The following GPR39 variants were observed in gnomAD, a reference collection of about 807,000 sequenced individuals.
GPR39 encodes zinc sensing receptor.
Under a neutral mutation model 18.4 loss-of-function variants are expected in GPR39, and 23 were observed. The ratio of observed to expected loss-of-function variants is 1.25; its 90% CI spans 0.90 to 1.77. The LOEUF is 1.77. GPR39 is among the 40% of genes most tolerant of loss of function. The pLI is 0.00. For missense variants in GPR39, 647 were observed against 602.4 expected (o/e 1.07, Z -0.78); for synonymous variants, 280 against 257.9 (o/e 1.09, Z -0.82).
chr2:132,502,101 A>ACT (rs976351266), intron 1 of GPR39, among the ~76,000 whole-genome samples: 22 of 152,266 alleles, frequency 1.4e-4, no homozygotes, highest in African/African-American at 5.3e-4. Flanking sequence ...GATGTGAGGT[A>ACT]CTATTCTATT....
At chr2:132,611,468 C>T (rs539933956) in intron 1 of GPR39, among the ~76,000 whole-genome samples, 13 of 152,238 alleles carry the variant, frequency 8.5e-5, no homozygotes, top group South Asian at 6.2e-4. Context: ...CAAATTTAGG[C>T]GAGAAATCAG....
chr2:132,527,838 C>A (rs1260302828), intron 1 of GPR39, among the ~76,000 whole-genome samples: 1 of 151,522 alleles, frequency 6.6e-6, no homozygotes, highest in Admixed American at 6.6e-5. Flanking sequence ...GGATATTAAA[C>A]CTTTGTCAGA....
chr2:132,599,825 C>T (rs183663992), intron 1 of GPR39, among the ~76,000 whole-genome samples: 23 of 152,310 alleles, frequency 1.5e-4, no homozygotes, highest in Admixed American at 1.4e-3. Flanking sequence ...GATCCAGCTC[C>T]TCCAACTCTC....
chr2:132,437,186 G>A (rs141232361), intron 1 of GPR39, among the ~76,000 whole-genome samples: 10 of 152,214 alleles, frequency 6.6e-5, no homozygotes, highest in Non-Finnish European at 8.8e-5. Flanking sequence ...GCACACACCC[G>A]CACAGGCAGA....
At chr2:132,448,325 G>T (rs1680574434) in intron 1 of GPR39, among the ~76,000 whole-genome samples, 1 of 152,198 alleles carries the variant, frequency 6.6e-6, no homozygotes, top group Non-Finnish European at 1.5e-5. Flanking sequence ...GTTCTCACTT[G>T]CTAGCCAAGC....
chr2:132,579,460 T>C (rs11903988), intron 1 of GPR39, among the ~76,000 whole-genome samples: 8 of 152,300 alleles, frequency 5.3e-5, no homozygotes, highest in African/African-American at 1.9e-4. Context: ...TTATAAATTT[T>C]GATTAAATCC....
intron 1 of GPR39, among the ~76,000 whole-genome samples, chr2:132,583,513 T>A (rs1680666391): frequency 6.6e-6 from 1 of 151,982 alleles, no homozygotes; most frequent in Non-Finnish European, 1.5e-5. Context: ...AAGTGCTGAG[T>A]GCTTCTTACG....
chr2:132,464,637 G>A (rs963429385), intron 1 of GPR39, among the ~76,000 whole-genome samples: 1 of 152,162 alleles, frequency 6.6e-6, no homozygotes. Context: ...GGCTGTATGT[G>A]AGCTCTCAGG....
intron 1 of GPR39, among the ~76,000 whole-genome samples, chr2:132,635,323 G>C (rs965353117): frequency 6.6e-6 from 1 of 152,186 alleles, no homozygotes; most frequent in African/African-American, 2.4e-5. Context: ...AGTGAAGATG[G>C]AGCATGTTGC....
chr2:132,584,910 G>T (rs1239470162), intron 1 of GPR39, among the ~76,000 whole-genome samples: 1 of 152,192 alleles, frequency 6.6e-6, no homozygotes, highest in Non-Finnish European at 1.5e-5. Context: ...CATTTCTGGA[G>T]ACACTGATTT....
At chr2:132,447,977 A>C (rs537684043) in intron 1 of GPR39, among the ~76,000 whole-genome samples, 1 of 152,314 alleles carries the variant, frequency 6.6e-6, no homozygotes, top group African/African-American at 2.4e-5. Context: ...GAATTTGTTG[A>C]GAAGTGGAAG....
intron 1 of GPR39, among the ~76,000 whole-genome samples, chr2:132,606,892 C>T (rs1373602905): frequency 2.0e-5 from 3 of 152,164 alleles, no homozygotes; most frequent in Non-Finnish European, 2.9e-5. Flanking sequence ...CTGGAGTCCG[C>T]GTTGCCCCTA....
At chr2:132,494,307 C>T (rs914601238) in intron 1 of GPR39, among the ~76,000 whole-genome samples, 6 of 152,182 alleles carry the variant, frequency 3.9e-5, no homozygotes, top group African/African-American at 1.4e-4. Context: ...CCTCTCCTAG[C>T]CTCTCCTTTC....
chr2:132,529,573 C>T (rs922001939), intron 1 of GPR39, among the ~76,000 whole-genome samples: 2 of 152,236 alleles, frequency 1.3e-5, no homozygotes, highest in Non-Finnish European at 2.9e-5. Context: ...GGTCCCTGAC[C>T]ACTGAGTAGC....
intron 1 of GPR39, among the ~76,000 whole-genome samples, chr2:132,618,084 C>A (rs1306555289): frequency 6.6e-6 from 1 of 152,162 alleles, no homozygotes. Flanking sequence ...CAAGAAAAGC[C>A]AGATGAGAAA....
chr2:132,501,052 G>GTTT (rs1679020394), intron 1 of GPR39, among the ~76,000 whole-genome samples: 2 of 46,584 alleles, frequency 4.3e-5, no homozygotes, highest in African/African-American at 1.4e-4. Flanking sequence ...TTTATCTTTT[G>GTTT]TGTTTTTTTT....
chr2:132,644,658 T>G (rs1325848165), intron 1 of GPR39, among the ~76,000 whole-genome samples: 2 of 148,100 alleles, frequency 1.4e-5, no homozygotes, highest in Non-Finnish European at 3.0e-5. Flanking sequence ...TCACTAGGTC[T>G]TCTTTGTGCA....
intron 1 of GPR39, among the ~76,000 whole-genome samples, chr2:132,532,731 C>T (rs1679664395): frequency 6.6e-6 from 1 of 152,076 alleles, no homozygotes; most frequent in South Asian, 2.1e-4. Context: ...ATAAACAGAA[C>T]CAAAGACAAA....
Position 132,422,430 on chromosome 2 carries a change from C to T in GPR39, c.856+4532C>T, listed in dbSNP as rs1420001222. Among the ~76,000 whole-genome samples, 3 of 152,136 alleles carry T rather than the reference C, an allele frequency of 2.0e-5. No individual in the cohort carries two copies. In the East Asian group the frequency reaches 5.8e-4, roughly 29 times the overall value. On this transcript the variant is annotated intron_variant, in intron 1 of 1. Coordinates refer to ENST00000329321, the MANE Select transcript of GPR39 (RefSeq NM_001508.3). ...ACTCTACTGTATATTTCGTATTACACAGAAGTGGATGCCTTGAAATGCTTT... is the reference window on the plus strand; with the variant it reads ...ACTCTACTGTATATTTCGTATTACATAGAAGTGGATGCCTTGAAATGCTTT...
Sources: allele counts gnomAD v4.1 joint callset (sites outside exome capture counted in the v4.1 genomes callset), GRCh38; gene constraint gnomAD v4.1.1; transcripts MANE v1.5; gene names NCBI Gene and HGNC (gene_info 2026-07-23, HGNC 2026-07-21).